EYA1: variants seen among roughly 807,000 people sequenced by gnomAD.
The protein encoded by EYA1 is EYA transcriptional coactivator and phosphatase 1, also known as protein phosphatase EYA1.
EYA1 carries 16 observed loss-of-function variants against 82.0 expected under a neutral mutation model. The observed-to-expected ratio is 0.20, with a 90% confidence interval of 0.13 to 0.30. EYA1 has a LOEUF of 0.30. Among genes scored for constraint, EYA1 ranks in the 10% least tolerant of loss-of-function variants. EYA1 has a pLI of 1.00. For synonymous variants in EYA1, 261 were observed against 264.4 expected (o/e 0.99, Z 0.12); for missense variants, 633 against 730.7 (o/e 0.87, Z 1.54).
chr8:71,245,239 T>G lies in EYA1; in HGVS notation c.1051-547A>C, dbSNP rs564383192. Among the ~76,000 whole-genome samples the G allele has an allele frequency of 2.6e-5, 4 of 152,264 alleles. No homozygotes were observed. In the South Asian group the frequency reaches 8.3e-4, roughly 32 times the overall value. On this transcript the variant is annotated intron_variant, in intron 11 of 17. Coordinates refer to ENST00000340726, the MANE Select transcript of EYA1 (RefSeq NM_000503.6). ...ACTATGTTTTAAGTGATGATTTTTT[T>G]TTTTTGAGACAGAGTCTCGCTCTGT...
rs368365703 is a variant in EYA1 at position 71,222,302 on chromosome 8, A to G, written c.1141-5279T>C. Among the ~76,000 whole-genome samples, 27 of 150,920 alleles carry G rather than the reference A, an allele frequency of 1.8e-4. 2 individuals are homozygous for G. The East Asian group carries it at 3.3e-3, about 18-fold the overall frequency. On this transcript the variant is annotated intron_variant, in intron 12 of 17. Transcript: ENST00000340726. The stretch of plus-strand genomic sequence containing the variant: ...GCCACTGGTAACAGTCACATAGTAC[A>G]GATAGATTATGTGGAAGAACTAGGG...
chr8:71,392,735 C>A (rs146013699), intron 2 of EYA1, among the ~76,000 whole-genome samples: 124 of 152,200 alleles, frequency 8.1e-4, no homozygotes, highest in Middle Eastern at 6.8e-3. Flanking sequence ...TCATTCATTT[C>A]TTCTAAAATT....
chr8:71,507,107 C>T lies in EYA1; in HGVS notation c.33+28637G>A, dbSNP rs151056812. On this transcript the variant is annotated intron_variant, in intron 2 of 18. Coordinates refer to the EYA1 transcript ENST00000643681. The stretch of plus-strand genomic sequence containing the variant: ...AACAATAGCCTAAACGTACTATGTG[C>T]CAGGCACTAGTCTAGCTCTTTACAC... Among the ~76,000 whole-genome samples the T allele has an allele frequency of 3.5e-3, 532 of 152,282 alleles. 3 individuals are homozygous for T. Among genetic ancestry groups the T allele is most frequent in the African/African-American group, 0.012 (508 of 41,554 alleles).
chr8:71,310,937 G>C (rs1330919940), intron 7 of EYA1, among the ~76,000 whole-genome samples: 1 of 151,856 alleles, frequency 6.6e-6, no homozygotes, highest in African/African-American at 2.4e-5. Flanking sequence ...CTAGAACTAA[G>C]CTATTATGGA....
At chr8:71,506,764 A>T (rs1302721903) in intron 2 of EYA1, among the ~76,000 whole-genome samples, 3 of 152,318 alleles carry the variant, frequency 2.0e-5, no homozygotes, top group African/African-American at 7.2e-5. Flanking sequence ...TAATTGCTTT[A>T]TAATTTTCAA....
At chr8:71,412,132 A>G (rs925142439) in intron 2 of EYA1, among the ~76,000 whole-genome samples, 5 of 141,222 alleles carry the variant, frequency 3.5e-5, no homozygotes, top group African/African-American at 1.3e-4. Flanking sequence ...CACAAGAACA[A>G]AAAACCAAAC....
At position 71,250,315 on chromosome 8, in the gene EYA1, T is replaced by C. The variant is rs1170666835; in HGVS notation, c.1051-5623A>G. Among the ~76,000 whole-genome samples the C allele has an allele frequency of 3.9e-5, 6 of 152,230 alleles. No homozygotes were observed. The East Asian group carries it at 9.6e-4, about 24-fold the overall frequency. On this transcript the variant is annotated intron_variant, in intron 11 of 17. Coordinates refer to ENST00000340726, the MANE Select transcript of EYA1 (RefSeq NM_000503.6). ...GAGGCCTAAACTGGGGCAAAGAATC[T>C]GTCCACACAGGTTCATGAACCGTGG... is the stretch of plus-strand genomic sequence containing the variant.
At chr8:71,487,223 T>A (rs928259952) in intron 2 of EYA1, among the ~76,000 whole-genome samples, 2 of 152,152 alleles carry the variant, frequency 1.3e-5, no homozygotes, top group Non-Finnish European at 2.9e-5. Flanking sequence ...ACATATTATT[T>A]AAGAAACAGA....
intron 2 of EYA1, among the ~76,000 whole-genome samples, chr8:71,446,165 A>G (rs1806860309): frequency 6.6e-6 from 1 of 152,188 alleles, no homozygotes; most frequent in African/African-American, 2.4e-5. Flanking sequence ...TATTTTTAAA[A>G]CACCATTGAT....
At chr8:71,329,223 C>T (rs114639373) in intron 4 of EYA1, among the ~76,000 whole-genome samples, 356 of 152,242 alleles carry the variant, frequency 2.3e-3, no homozygotes, top group African/African-American at 8.1e-3. Context: ...GATGAAGAAC[C>T]CCTGACATCC....
intron 2 of EYA1, among the ~76,000 whole-genome samples, chr8:71,373,601 T>C (rs1271520344): frequency 1.3e-5 from 2 of 152,146 alleles, no homozygotes; most frequent in African/African-American, 2.4e-5. Context: ...CCTGTCAAAA[T>C]TGTAATGGCA....
At chr8:71,376,380 T>G (rs1386929543) in intron 2 of EYA1, among the ~76,000 whole-genome samples, 1 of 152,200 alleles carries the variant, frequency 6.6e-6, no homozygotes, top group African/African-American at 2.4e-5. Flanking sequence ...TTATTCTGGT[T>G]GTAATGAGAT....
At chr8:71,296,508 C>T (rs1819610343) in intron 9 of EYA1, among the ~76,000 whole-genome samples, 1 of 151,266 alleles carries the variant, frequency 6.6e-6, no homozygotes, top group African/African-American at 2.4e-5. Flanking sequence ...TTTGTCCCTA[C>T]TGCATAATAT....
chr8:71,455,695 C>G (rs1807834885), intron 2 of EYA1, among the ~76,000 whole-genome samples: 1 of 152,150 alleles, frequency 6.6e-6, no homozygotes, highest in Non-Finnish European at 1.5e-5. Flanking sequence ...AGGCCTTCGA[C>G]AAAATTCAAC....
chr8:71,537,354 T>C (rs766059653), intron 1 of EYA1, among the ~76,000 whole-genome samples: 1 of 152,190 alleles, frequency 6.6e-6, no homozygotes, highest in East Asian at 1.9e-4. Flanking sequence ...TTTTGAATTG[T>C]ACTCAACTGC....
intron 11 of EYA1, among the ~76,000 whole-genome samples, chr8:71,263,349 T>G (rs1035435622): frequency 2.0e-5 from 3 of 152,198 alleles, no homozygotes; most frequent in Admixed American, 6.5e-5. Flanking sequence ...AAAAGCTGCA[T>G]GATGAAAATG....
intron 2 of EYA1, among the ~76,000 whole-genome samples, chr8:71,531,449 AG>A (rs1814269012): frequency 6.6e-6 from 1 of 152,178 alleles, no homozygotes; most frequent in African/African-American, 2.4e-5. Flanking sequence ...TTCAGACACA[AG>A]TTTTGGGTTA....
chr8:71,455,296 C>T (rs1412449396), intron 2 of EYA1, among the ~76,000 whole-genome samples: 2 of 152,082 alleles, frequency 1.3e-5, no homozygotes, highest in Non-Finnish European at 2.9e-5. Flanking sequence ...AGTCCAGGAC[C>T]AGACAGATTC....
chr8:71,248,588 C>T (rs1027370146), intron 11 of EYA1, among the ~76,000 whole-genome samples: 2 of 152,138 alleles, frequency 1.3e-5, no homozygotes, highest in East Asian at 1.9e-4. Flanking sequence ...GTGATTTGTG[C>T]GTGATGACCC....
Sources: gnomAD v4.1 joint callset for allele counts (sites outside exome capture counted in the v4.1 genomes callset) on GRCh38, gnomAD v4.1.1 for gene constraint, MANE v1.5 for transcripts, NCBI Gene and HGNC (gene_info 2026-07-23, HGNC 2026-07-21) for gene names.